The following NRG3 variants were observed in gnomAD, a reference collection of about 807,000 sequenced individuals.
NRG3 encodes pro-neuregulin-3, membrane-bound isoform.
In NRG3, 31 loss-of-function variants were observed where a neutral mutation model predicts 66.9. That is an observed-to-expected ratio of 0.46 (90% CI 0.35 to 0.63). The LOEUF is 0.63. Among genes scored for constraint, NRG3 ranks in the 20% least tolerant of loss-of-function variants. NRG3 has a pLI of 0.00. For missense variants in NRG3, 910 were observed against 878.9 expected (o/e 1.04, Z -0.45); for synonymous variants, 393 against 359.4 (o/e 1.09, Z -1.06).
intron 4 of NRG3, among the ~76,000 whole-genome samples, chr10:82,921,645 C>T (rs1224451532): frequency 1.3e-5 from 2 of 151,998 alleles, no homozygotes; most frequent in African/African-American, 4.8e-5. Flanking sequence ...ACATGTAAAC[C>T]ATTATTTATT....
intron 1 of NRG3, among the ~76,000 whole-genome samples, chr10:82,173,991 T>C (rs976709460): frequency 6.6e-6 from 1 of 152,140 alleles, no homozygotes; most frequent in Non-Finnish European, 1.5e-5. Context: ...TGTTTTTAGG[T>C]TTAATTCCTA....
chr10:81,875,302 C>T lies in NRG3; in HGVS notation c.-39C>T, dbSNP rs1199935173. ...CCCGCGCGGCCCCATGCCTCTGCCG[C>T]GGCCCTCGGGGGGGCGAAGGTGAAG... On this transcript the variant is annotated 5_prime_UTR_variant, in exon 1 of 9. Transcript: ENST00000372141. The surrounding 1 kb of genome is among the most constrained non-coding windows in gnomAD (Gnocchi z 5.3). 7.1e-6 allele frequency: 7 copies of T among 982,786 alleles called. No homozygotes were observed. Among genetic ancestry groups the T allele is most frequent in the African/African-American group, 1.8e-5 (1 of 56,682 alleles). 60.9% of individuals were successfully genotyped at this position (982,786 alleles called of 1,614,324 possible).
chr10:82,507,156 T>C (rs938709679), intron 2 of NRG3, among the ~76,000 whole-genome samples: 3 of 152,172 alleles, frequency 2.0e-5, no homozygotes, highest in Non-Finnish European at 4.4e-5. Context: ...TGCTGGGCCC[T>C]GACAGCTGAG....
intron 2 of NRG3, among the ~76,000 whole-genome samples, chr10:82,653,958 G>T (rs141796983): frequency 6.6e-6 from 1 of 152,114 alleles, no homozygotes; most frequent in African/African-American, 2.4e-5. Flanking sequence ...GTACTACTGC[G>T]GGTGTCTTTT....
intron 3 of NRG3, among the ~76,000 whole-genome samples, chr10:82,745,115 TA>T (rs1463098950): frequency 1.3e-5 from 2 of 152,136 alleles, no homozygotes; most frequent in Admixed American, 1.3e-4. Context: ...GGAGGGGCAA[TA>T]AAAGTTCACA....
At chr10:82,186,264 A>G (rs990793211) in intron 1 of NRG3, among the ~76,000 whole-genome samples, 6 of 152,168 alleles carry the variant, frequency 3.9e-5, no homozygotes, top group African/African-American at 1.4e-4. Context: ...TTCACCAGTA[A>G]AGAGGAATCC....
intron 1 of NRG3, among the ~76,000 whole-genome samples, chr10:82,110,333 G>C (rs1455457859): frequency 1.3e-5 from 2 of 152,138 alleles, no homozygotes; most frequent in Non-Finnish European, 2.9e-5. Flanking sequence ...AGGAGATGAT[G>C]TTAGAGAGAT....
At chr10:82,955,752 A>G (rs1238952948) in intron 5 of NRG3, among the ~76,000 whole-genome samples, 2 of 151,864 alleles carry the variant, frequency 1.3e-5, no homozygotes, top group Non-Finnish European at 2.9e-5. Context: ...AATGGCAGAC[A>G]CTCTGATGCA....
rs953488842 is a variant in NRG3 at position 82,450,375 on chromosome 10, G to A, written c.953+91507G>A. Among the ~76,000 whole-genome samples, 11 of 152,154 alleles carry A rather than the reference G, an allele frequency of 7.2e-5. No homozygotes were observed. In the South Asian group the frequency reaches 2.3e-3, roughly 32 times the overall value. On this transcript the variant is annotated intron_variant, in intron 2 of 8. Transcript: ENST00000372141. The stretch of plus-strand genomic sequence containing the variant: ...ATGGATAAACCTTTGGTCTCATTCT[G>A]GCTAATCTTCTAGCAAGTCAAGCAG...
intron 6 of NRG3, among the ~76,000 whole-genome samples, chr10:82,964,584 T>G (rs755302544): frequency 1.2e-4 from 19 of 152,220 alleles, no homozygotes; most frequent in Non-Finnish European, 2.5e-4. Flanking sequence ...TTGTTTTTAA[T>G]TACCTACATT....
chr10:82,001,799 A>G (rs1288557786), intron 1 of NRG3, among the ~76,000 whole-genome samples: 2 of 152,224 alleles, frequency 1.3e-5, no homozygotes, highest in Non-Finnish European at 2.9e-5. Context: ...TAAGTTGAGC[A>G]ATCATTTCAT....
At chr10:82,123,672 C>G (rs2068239406) in intron 1 of NRG3, among the ~76,000 whole-genome samples, 1 of 152,182 alleles carries the variant, frequency 6.6e-6, no homozygotes, top group African/African-American at 2.4e-5. Context: ...TCTGTTCTTT[C>G]TTCTGCTGGT....
intron 4 of NRG3, among the ~76,000 whole-genome samples, chr10:82,870,503 C>T (rs1178002400): frequency 2.6e-5 from 4 of 152,152 alleles, no homozygotes; most frequent in Non-Finnish European, 5.9e-5. Context: ...TTTTTAGAAA[C>T]TGCCGAACTG....
chr10:82,133,963 G>A (rs767650687), intron 1 of NRG3, among the ~76,000 whole-genome samples: 2 of 152,112 alleles, frequency 1.3e-5, no homozygotes, highest in Non-Finnish European at 2.9e-5. Flanking sequence ...CATTCTGACT[G>A]GTGTGGGATG....
chr10:82,618,507 C>T (rs593075), intron 2 of NRG3, among the ~76,000 whole-genome samples: 12,716 of 152,084 alleles, frequency 0.084, 617 homozygotes, highest in East Asian at 0.14. Context: ...TATCCTGAGT[C>T]AAACCAATTA....
intron 1 of NRG3, among the ~76,000 whole-genome samples, chr10:82,040,333 A>G (rs1411326661): frequency 6.6e-6 from 1 of 152,058 alleles, no homozygotes; most frequent in Non-Finnish European, 1.5e-5. Context: ...ACCCATATGT[A>G]TACACATGCA....
At chr10:82,058,862 C>T (rs1033930409) in intron 1 of NRG3, among the ~76,000 whole-genome samples, 8 of 152,076 alleles carry the variant, frequency 5.3e-5, no homozygotes, top group African/African-American at 1.9e-4. Context: ...CTCTGCTTGC[C>T]ATGGGAACGT....
intron 4 of NRG3, among the ~76,000 whole-genome samples, chr10:82,907,675 G>T (rs1043486329): frequency 2.6e-5 from 4 of 152,036 alleles, no homozygotes; most frequent in Non-Finnish European, 4.4e-5. Context: ...AACATATAAG[G>T]TATATATTAT....
At chr10:82,095,774 T>A (rs2066300844) in intron 1 of NRG3, among the ~76,000 whole-genome samples, 1 of 152,144 alleles carries the variant, frequency 6.6e-6, no homozygotes, top group Admixed American at 6.5e-5. Flanking sequence ...ATGAGCTAAA[T>A]CTCAATACTA....
Sources: allele counts gnomAD v4.1 joint callset (sites outside exome capture counted in the v4.1 genomes callset), GRCh38; gene constraint gnomAD v4.1.1; non-coding constraint Gnocchi (gnomAD v3.1); transcripts MANE v1.5; gene names NCBI Gene and HGNC (gene_info 2026-07-23, HGNC 2026-07-21).